Variants in CACNA1C observed in about 807,000 individuals in gnomAD.
CACNA1C encodes the protein calcium voltage-gated channel subunit alpha1 C.
A neutral mutation model predicts 229.0 loss-of-function variants in CACNA1C; 30 were observed. That is an observed-to-expected ratio of 0.13 (90% confidence interval 0.10 to 0.18). The LOEUF is 0.18. Ranked by LOEUF, CACNA1C falls within the 10% of genes least tolerant of loss-of-function variation. The probability of loss-of-function intolerance (pLI) is 1.00; values close to 1 mark genes in which losing one functional copy is unlikely to be tolerated. For synonymous variants in CACNA1C, 1,114 were observed against 1,132.5 expected, an observed-to-expected ratio of 0.98 and a Z score of 0.33; for missense variants, 1,658 against 2,845.0, an observed-to-expected ratio of 0.58 and a Z score of 9.49.
At chr12:2,603,498 G>A (rs1349264368) in intron 22 of CACNA1C, 1 of 152,246 alleles carries the variant, frequency 6.6e-6, no homozygotes, top group African/African-American at 2.4e-5. Context: ...GGCTATCTCA[G>A]GTAGTTAGCC....
chr12:2,146,398 C>G (rs2094711147), intron 3 of CACNA1C, among the ~76,000 whole-genome samples: 1 of 151,354 alleles, frequency 6.6e-6, no homozygotes, highest in African/African-American at 2.4e-5. Context: ...GTGTGCTCAT[C>G]ATAGTAAAAT....
intron 3 of CACNA1C, among the ~76,000 whole-genome samples, chr12:2,283,817 TC>T (rs917384368): frequency 3.9e-5 from 6 of 152,186 alleles, no homozygotes; most frequent in African/African-American, 1.4e-4. Flanking sequence ...CAGAGTAAAG[TC>T]CTTCCTCCTG....
At chr12:1,991,313 A>C (rs1163000539) in intron 1 of CACNA1C, 1 of 440,652 alleles carries the variant, frequency 2.3e-6, no homozygotes. Context: ...AAAATAAATG[A>C]AAATCATTAT....
At chr12:2,424,158 CTG>C (rs1484717005) in intron 3 of CACNA1C, among the ~76,000 whole-genome samples, 1 of 152,232 alleles carries the variant, frequency 6.6e-6, no homozygotes, top group African/African-American at 2.4e-5. Context: ...GCTAACAGCT[CTG>C]TGTTTTTCCA....
At chr12:2,454,095 G>A (rs903916908) in intron 4 of CACNA1C, among the ~76,000 whole-genome samples, 1 of 152,134 alleles carries the variant, frequency 6.6e-6, no homozygotes, top group African/African-American at 2.4e-5. Context: ...TTTGACATTT[G>A]TGTCATCAGA....
At chr12:2,423,546 A>G (rs1159839934) in intron 3 of CACNA1C, among the ~76,000 whole-genome samples, 1 of 152,158 alleles carries the variant, frequency 6.6e-6, no homozygotes, top group African/African-American at 2.4e-5. Flanking sequence ...CACTGGTTGG[A>G]ATATAGAACA....
chr12:2,009,089 G>A (rs1348968404), intron 1 of CACNA1C, among the ~76,000 whole-genome samples: 2 of 152,158 alleles, frequency 1.3e-5, no homozygotes, highest in South Asian at 2.1e-4. Context: ...TACTTCCACT[G>A]TGTTTCCATA....
intron 3 of CACNA1C, among the ~76,000 whole-genome samples, chr12:2,321,800 C>T (rs931101272): frequency 6.6e-6 from 1 of 152,120 alleles, no homozygotes; most frequent in African/African-American, 2.4e-5. Context: ...GGGAACAGCT[C>T]GTGCAAAGTC....
chr12:2,619,168 G>A lies in CACNA1C; in HGVS notation c.3828+7155G>A, dbSNP rs12311629. On this transcript the variant is annotated intron_variant, in intron 29 of 46. Coordinates refer to ENST00000399655, the MANE Select transcript of CACNA1C (RefSeq NM_000719.7). ...TTGAACCAGCCAGGGCTGAGCAGACGGGACAGGAAGAGCTTCCTACAAGCA... is the reference window on the plus strand; with the variant it reads ...TTGAACCAGCCAGGGCTGAGCAGACAGGACAGGAAGAGCTTCCTACAAGCA... Among the ~76,000 whole-genome samples, 1,130 of 152,256 alleles carry A rather than the reference G, an allele frequency of 7.4e-3. 12 individuals are homozygous for A. The highest frequency in any genetic ancestry group is 0.025 in the African/African-American group (1,058 of 41,536).
intron 3 of CACNA1C, among the ~76,000 whole-genome samples, chr12:2,216,499 A>G (rs145488770): frequency 6.6e-6 from 1 of 152,342 alleles, no homozygotes; most frequent in East Asian, 1.9e-4. Flanking sequence ...CTGGTTATCA[A>G]ACCCTCCTGG....
intron 1 of CACNA1C, among the ~76,000 whole-genome samples, chr12:2,113,826 C>A (rs754816691): frequency 5.9e-5 from 9 of 152,208 alleles, no homozygotes; most frequent in Non-Finnish European, 1.0e-4. Flanking sequence ...GCCTAACAGG[C>A]CAAAGAGTGT....
At chr12:2,248,228 A>C (rs1292519701) in intron 3 of CACNA1C, among the ~76,000 whole-genome samples, 1 of 151,994 alleles carries the variant, frequency 6.6e-6, no homozygotes, top group Non-Finnish European at 1.5e-5. Context: ...TGGCTGCTGG[A>C]CTCTGCTCTA....
intron 3 of CACNA1C, among the ~76,000 whole-genome samples, chr12:2,331,390 C>T (rs2096543055): frequency 6.6e-6 from 1 of 152,148 alleles, no homozygotes; most frequent in African/African-American, 2.4e-5. Context: ...TAATATTGTG[C>T]TTTACTGAAA....
Position 2,688,443 on chromosome 12 carries a change from G to T in CACNA1C, c.5785-4G>T. 1 of 1,613,584 alleles carries T rather than the reference G, an allele frequency of 6.2e-7. No individual in the cohort carries two copies. Among genetic ancestry groups the T allele is most frequent in the South Asian group, 1.1e-5 (1 of 91,074 alleles). On this transcript the variant is annotated splice_region_variant and splice_polypyrimidine_tract_variant and intron_variant, in intron 45 of 46. Coordinates refer to ENST00000399655, the MANE Select transcript of CACNA1C (RefSeq NM_000719.7). ...ATTAACTCACACTCCTTGTGTGTCC[G>T]CAGGCATTGGCAGTGGCAGGCCTGA...
At chr12:2,094,279 A>G (rs1225394448) in intron 1 of CACNA1C, among the ~76,000 whole-genome samples, 1 of 152,202 alleles carries the variant, frequency 6.6e-6, no homozygotes, top group African/African-American at 2.4e-5. Context: ...GCTGAGCCCT[A>G]TGGACAGTGC....
At position 2,234,968 on chromosome 12, in the gene CACNA1C, A is replaced by G. The variant is rs148989540; in HGVS notation, c.477+114538A>G. ...CCCTTTCCATGGGTGAGGTTCTCAC[A>G]AAGGTGGCTTCTGGATATCCGCCTG... On this transcript the variant is annotated intron_variant, in intron 3 of 46. Transcript: ENST00000399655. 3.7e-3 allele frequency among the ~76,000 whole-genome samples: 556 copies of G among 152,284 alleles called. 1 individual carries two copies. The highest frequency in any genetic ancestry group is 0.012 in the African/African-American group (516 of 41,568).
rs1006956288 is a variant in CACNA1C, at chr12:2,694,903, G to C, written c.*3704G>C. On this transcript the variant is annotated 3_prime_UTR_variant, in exon 47 of 47. Coordinates refer to ENST00000399655, the MANE Select transcript of CACNA1C (RefSeq NM_000719.7). ...AAAACACGAATGTAGGTCAGGGATA[G>C]AGTGGAACCCTGGTCATCGGGGTTT... is the stretch of plus-strand genomic sequence containing the variant. The C allele has an allele frequency of 2.6e-5, 4 of 152,270 alleles. No homozygotes were observed. Among genetic ancestry groups the C allele is most frequent in the African/African-American group, 9.6e-5 (4 of 41,474 alleles). 9.4% of individuals were successfully genotyped at this position (152,270 alleles called of 1,614,324 possible).
rs142784523 is a variant in CACNA1C, at chr12:2,622,999, T to A, written c.3828+10986T>A. ...TGGAGTCACTTTTGAGGAAGACGTT[T>A]TCATCTCTATGTAGTCTTTCGATGT... On this transcript the variant is annotated intron_variant, in intron 29 of 46. Coordinates refer to ENST00000399655, the MANE Select transcript of CACNA1C (RefSeq NM_000719.7). Among the ~76,000 whole-genome samples the A allele has an allele frequency of 3.2e-3, 491 of 152,322 alleles. 5 individuals carry two copies. Among genetic ancestry groups the A allele is most frequent in the African/African-American group, 0.011 (468 of 41,572 alleles).
At chr12:2,077,808 T>C (rs1316746618) in intron 1 of CACNA1C, among the ~76,000 whole-genome samples, 1 of 152,136 alleles carries the variant, frequency 6.6e-6, no homozygotes, top group East Asian at 1.9e-4. Context: ...AGCAAGGAAG[T>C]GTTCTGTGTG....
Sources: gnomAD v4.1 joint callset for allele counts (sites outside exome capture counted in the v4.1 genomes callset) on GRCh38, gnomAD v4.1.1 for gene constraint, MANE v1.5 for transcripts, NCBI Gene and HGNC (gene_info 2026-07-23, HGNC 2026-07-21) for gene names.